The following C8orf34 variants were observed in gnomAD, a reference collection of about 807,000 sequenced individuals.
The protein encoded by C8orf34 is chromosome 8 open reading frame 34.
A neutral mutation model predicts 68.3 loss-of-function variants in C8orf34; 65 were observed. The ratio of observed to expected loss-of-function variants is 0.95; its 90% CI spans 0.78 to 1.17. The LOEUF is 1.17. C8orf34 is among the 50% of genes most tolerant of loss of function. The pLI is 0.00. For missense variants in C8orf34, 664 were observed against 655.4 expected, an observed-to-expected ratio of 1.01 and a Z score of -0.14; for synonymous variants, 244 against 241.2, an observed-to-expected ratio of 1.01 and a Z score of -0.11.
intron 2 of C8orf34, among the ~76,000 whole-genome samples, chr8:68,443,401 TG>T (rs1810991650): frequency 6.6e-6 from 1 of 152,060 alleles, no homozygotes; most frequent in Admixed American, 6.6e-5. Context: ...ATCTTTTCTT[TG>T]TTTTTGTTTT....
At chr8:68,336,337 G>A (rs893070199) in intron 1 of C8orf34, among the ~76,000 whole-genome samples, 18 of 152,178 alleles carry the variant, frequency 1.2e-4, no homozygotes, top group Admixed American at 6.5e-5. Context: ...GGCTGAGTGG[G>A]CAGTGGCCTG....
Position 68,549,990 on chromosome 8 carries a change from A to C in C8orf34, c.1105+16841A>C, listed in dbSNP as rs1344778495. Among the ~76,000 whole-genome samples, 2 of 151,808 alleles carry C rather than the reference A, an allele frequency of 1.3e-5. 1 individual carries two copies. Among genetic ancestry groups the C allele is most frequent in the Non-Finnish European group, 3.0e-5 (2 of 67,750 alleles). ...TAATTTAGTCTTTATACATGTTTAT[A>C]TTTAAAGAGAGTTTCTTGTAGACAG... On this transcript the variant is annotated intron_variant, in intron 7 of 13. Transcript: ENST00000518698.
chr8:68,789,321 T>G (rs1299790220), intron 12 of C8orf34, among the ~76,000 whole-genome samples: 1 of 152,252 alleles, frequency 6.6e-6, no homozygotes, highest in East Asian at 1.9e-4. Context: ...ATGCAGAGCA[T>G]GTTAATTATA....
chr8:68,438,769 T>C (rs1324576919), intron 1 of C8orf34: 2 of 152,090 alleles, frequency 1.3e-5, no homozygotes, highest in African/African-American at 4.8e-5. Context: ...TCTTTGCTGT[T>C]CCTGACTGGA....
At chr8:68,779,188 C>T (rs1186013348) in intron 11 of C8orf34, among the ~76,000 whole-genome samples, 1 of 32,886 alleles carries the variant, frequency 3.0e-5, no homozygotes, top group Non-Finnish European at 5.4e-5. Context: ...GAAACACACA[C>T]ACACACACAC....
intron 8 of C8orf34, among the ~76,000 whole-genome samples, chr8:68,645,255 G>C (rs1351854176): frequency 1.3e-5 from 2 of 152,118 alleles, no homozygotes; most frequent in African/African-American, 2.4e-5. Context: ...TAATTTCCAA[G>C]GGCGAGTGGG....
intron 7 of C8orf34, among the ~76,000 whole-genome samples, chr8:68,598,673 C>A (rs1351948629): frequency 6.6e-6 from 1 of 152,096 alleles, no homozygotes; most frequent in Non-Finnish European, 1.5e-5. Flanking sequence ...TAAGATCTTC[C>A]TTTTCAGACA....
At chr8:68,382,367 C>T (rs1217211712) in intron 1 of C8orf34, among the ~76,000 whole-genome samples, 1 of 152,120 alleles carries the variant, frequency 6.6e-6, no homozygotes, top group East Asian at 1.9e-4. Flanking sequence ...GCCTCTGTTT[C>T]CTCATCTGTG....
At chr8:68,430,293 T>C (rs2676634) in intron 1 of C8orf34, among the ~76,000 whole-genome samples, 29,530 of 152,190 alleles carry the variant, frequency 0.19, 3,652 homozygotes, top group African/African-American at 0.36. Flanking sequence ...GAAGCTCCTG[T>C]ACTTGGGATC....
intron 8 of C8orf34, among the ~76,000 whole-genome samples, chr8:68,670,975 TG>T (rs776847303): frequency 1.3e-5 from 2 of 152,218 alleles, no homozygotes; most frequent in Non-Finnish European, 2.9e-5. Context: ...CTGAGCTTCT[TG>T]TAATCTCTGT....
intron 7 of C8orf34, among the ~76,000 whole-genome samples, chr8:68,613,447 C>G (rs1484247865): frequency 2.0e-5 from 3 of 150,366 alleles, no homozygotes; most frequent in African/African-American, 7.4e-5. Context: ...TCCCCCTCCC[C>G]CCACACAACA....
At chr8:68,478,729 T>C (rs1200951842) in intron 4 of C8orf34, among the ~76,000 whole-genome samples, 1 of 152,076 alleles carries the variant, frequency 6.6e-6, no homozygotes, top group Non-Finnish European at 1.5e-5. Context: ...GGAGAGAGAA[T>C]GAAAGTGAAG....
chr8:68,376,243 G>A (rs1342326361), intron 1 of C8orf34, among the ~76,000 whole-genome samples: 1 of 134,068 alleles, frequency 7.5e-6, no homozygotes, highest in African/African-American at 3.3e-5. Flanking sequence ...ATTGTATTGA[G>A]AAGAGAAAGA....
At chr8:68,796,911 C>A (rs1009849127) in intron 12 of C8orf34, among the ~76,000 whole-genome samples, 6 of 150,140 alleles carry the variant, frequency 4.0e-5, no homozygotes, top group Non-Finnish European at 8.9e-5. Context: ...ACTGCAACCT[C>A]TGCCTCTTGC....
rs1232458185 is a variant in C8orf34 at position 68,547,192 on chromosome 8, C to T, written c.1105+14043C>T. ...AATTACCAGTATTGGAAATGAAAGA[C>T]GGGAACTGATTTTACTACAGATCTT... On this transcript the variant is annotated intron_variant, in intron 7 of 13. Coordinates refer to ENST00000518698, the MANE Select transcript of C8orf34 (RefSeq NM_052958.4). Among the ~76,000 whole-genome samples the T allele has an allele frequency of 1.3e-5, 2 of 151,672 alleles. 1 individual carries two copies. The highest frequency in any genetic ancestry group is 6.8e-3 in the Middle Eastern group (2 of 294).
chr8:68,358,034 G>C (rs1231305525), intron 1 of C8orf34, among the ~76,000 whole-genome samples: 1 of 151,918 alleles, frequency 6.6e-6, no homozygotes, highest in Admixed American at 6.6e-5. Flanking sequence ...GTTTATTTAT[G>C]CTATTTGAAC....
intron 10 of C8orf34, among the ~76,000 whole-genome samples, chr8:68,755,667 A>G (rs952030225): frequency 6.6e-5 from 10 of 152,118 alleles, no homozygotes; most frequent in Admixed American, 3.3e-4. Flanking sequence ...GTAGACGTCC[A>G]ACCTCCTATG....
intron 7 of C8orf34, among the ~76,000 whole-genome samples, chr8:68,578,407 G>A (rs972399324): frequency 4.6e-5 from 7 of 151,892 alleles, no homozygotes; most frequent in African/African-American, 9.7e-5. Flanking sequence ...TTGAAACTGA[G>A]CCTAAACTAC....
intron 7 of C8orf34, among the ~76,000 whole-genome samples, chr8:68,557,435 C>A (rs959212507): frequency 6.6e-6 from 1 of 152,126 alleles, no homozygotes; most frequent in Non-Finnish European, 1.5e-5. Flanking sequence ...CCTAAAGATA[C>A]CAGATTCAAA....
Sources: allele counts gnomAD v4.1 joint callset (sites outside exome capture counted in the v4.1 genomes callset), GRCh38; gene constraint gnomAD v4.1.1; transcripts MANE v1.5; gene names NCBI Gene and HGNC (gene_info 2026-07-23, HGNC 2026-07-21).